The following ZGPAT variants were observed in gnomAD, a reference collection of about 807,000 sequenced individuals.
The protein encoded by ZGPAT is zinc finger CCCH-type with G patch domain-containing protein.
Under a neutral mutation model 47.9 loss-of-function variants are expected in ZGPAT, and 39 were observed. That is an observed-to-expected ratio of 0.81 (90% CI 0.63 to 1.06). ZGPAT has a LOEUF of 1.06. Among genes scored for constraint, ZGPAT ranks in the 50% least tolerant of loss-of-function variants. The pLI, the probability that ZGPAT is intolerant of heterozygous loss-of-function variation, is 0.00. For synonymous variants in ZGPAT, 348 were observed against 292.9 expected, an observed-to-expected ratio of 1.19 and a Z score of -1.92; for missense variants, 717 against 681.4, an observed-to-expected ratio of 1.05 and a Z score of -0.58.
In ZGPAT at chr20:63,735,298, G is replaced by T. The variant is rs766390404; in HGVS notation, c.1131G>T (p.Arg377Ser). The change falls in exon 6 of 7, where the codon AGG becomes AGT. Residue 377 changes from arginine (R) to serine (S), a missense_variant. Transcript: ENST00000355969. ...VGKAGTNKPP[R>S]CRGRGARPGG... ...AGGCTGGCACCAACAAGCCCCCCAG[G>T]TGCCGGGGAAGAGGGGCCAGGCCTG... 38 of 1,602,678 alleles carry T rather than the reference G, an allele frequency of 2.4e-5. No individual in the cohort carries two copies. The East Asian group carries it at 8.1e-4, about 34-fold the overall frequency.
At chr20:63,731,719 T>TTGTGTG (rs35923657) in intron 2 of ZGPAT, among the ~76,000 whole-genome samples, 2 of 130,302 alleles carry the variant, frequency 1.5e-5, no homozygotes, top group Non-Finnish European at 3.4e-5. Context: ...GTGTGTGAGA[T>TTGTGTG]TGTGTGTGCA....
In ZGPAT at chr20:63,708,592, G is replaced by A. The variant is rs2145625218; in HGVS notation, c.12G>A (p.Glu4=). 3 of 1,600,490 alleles carry A rather than the reference G, an allele frequency of 1.9e-6. No homozygotes were observed. The highest frequency in any genetic ancestry group is 2.6e-6 in the Non-Finnish European group (3 of 1,171,258). Residue 4 remains glutamate, a synonymous_variant, in exon 2 of 7, where the codon GAG becomes GAA. Transcript: ENST00000355969. The part of the protein sequence containing the change: MDE[E]SLESALQTYR... ...CTCCCTCTCTCAGCATGGACGAGGA[G>A]AGCCTGGAGTCGGCCTTGCAGACCT... is the stretch of plus-strand genomic sequence containing the variant.
At chr20:63,708,524 C>T (rs907216440) in intron 1 of ZGPAT, 29 bp from the exon 2 acceptor site, 13 of 1,497,386 alleles carry the variant, frequency 8.7e-6, no homozygotes, top group East Asian at 2.3e-5. Context: ...TCCCGAGACG[C>T]GGGGCTCAGC....
intron 2 of ZGPAT, among the ~76,000 whole-genome samples, chr20:63,717,572 TTTG>T (rs941242758): frequency 6.6e-6 from 1 of 152,142 alleles, no homozygotes; most frequent in African/African-American, 2.4e-5. Flanking sequence ...AAGATTGTTT[TTTG>T]TTGTTGTTTT....
Position 63,735,568 on chromosome 20 carries a change from C to A in ZGPAT, c.1397+4C>A, listed in dbSNP as rs372604095. On this transcript the variant is annotated splice_donor_region_variant and intron_variant, in intron 6 of 6. Transcript: ENST00000355969. ...CTCTCGCCCGCAACGCTGGCCGGTA[C>A]GTGTGGGGCCCAGCTCAGGGCAAAG... 4.6e-6 allele frequency: 7 copies of A among 1,512,548 alleles called. No homozygotes were observed. Among genetic ancestry groups the A allele is most frequent in the Non-Finnish European group, 6.2e-6 (7 of 1,132,000 alleles). 93.7% of individuals were successfully genotyped at this position (1,512,548 alleles called of 1,614,324 possible).
At chr20:63,716,687 GT>G (rs541530788) in intron 2 of ZGPAT, among the ~76,000 whole-genome samples, 1 of 150,650 alleles carries the variant, frequency 6.6e-6, no homozygotes, top group African/African-American at 2.4e-5. Flanking sequence ...GTTTTGTTTT[GT>G]TTTTTTGTTT....
At chr20:63,714,300 C>T (rs2091703251) in intron 2 of ZGPAT, among the ~76,000 whole-genome samples, 2 of 151,766 alleles carry the variant, frequency 1.3e-5, no homozygotes, top group African/African-American at 4.8e-5. Flanking sequence ...GTGATGTGCA[C>T]CTGTAGTCCC....
intron 4 of ZGPAT, chr20:63,734,002 G>A (rs971057615): frequency 2.0e-6 from 1 of 491,862 alleles, no homozygotes; most frequent in Non-Finnish European, 3.6e-6. Context: ...GGAGGGGCCT[G>A]GAGTTGCCGA....
chr20:63,733,124 C>G, intron 2 of ZGPAT, 95 bp from the exon 3 acceptor site: 1 of 1,526,998 alleles, frequency 6.5e-7, no homozygotes, highest in Non-Finnish European at 8.9e-7. Flanking sequence ...CTGTCTCCCT[C>G]AGGACAGTGC....
chr20:63,728,257 C>G (rs2091864074), intron 2 of ZGPAT, among the ~76,000 whole-genome samples: 1 of 152,032 alleles, frequency 6.6e-6, no homozygotes, highest in Non-Finnish European at 1.5e-5. Flanking sequence ...AGGATGGTCT[C>G]GATCTCCTGA....
At chr20:63,726,932 C>G (rs1049268976) in intron 2 of ZGPAT, among the ~76,000 whole-genome samples, 3 of 152,202 alleles carry the variant, frequency 2.0e-5, no homozygotes, top group Non-Finnish European at 2.9e-5. Context: ...AGCCCCTCCC[C>G]ACAACACCAT....
rs763971729 is a variant in ZGPAT at position 63,735,288 on chromosome 20, A to C, written c.1121A>C (p.Lys374Thr). The C allele has an allele frequency of 6.2e-7, 1 of 1,605,710 alleles. No individual in the cohort carries two copies. The highest frequency in any genetic ancestry group is 2.2e-5 in the East Asian group (1 of 44,656). The change falls in exon 6 of 7, where the codon AAG becomes ACG. Residue 374 changes from lysine to threonine, a missense_variant. By Grantham distance (78) the Lys-to-Thr change is moderately conservative. Transcript: ENST00000355969. ...QTRVGKAGTN[K>T]PPRCRGRGAR... is the part of the protein sequence containing the mutation. ...AGGGTTGGCAAGGCTGGCACCAACA[A>C]GCCCCCCAGGTGCCGGGGAAGAGGG...
chr20:63,725,928 G>A (rs984022537), intron 2 of ZGPAT, among the ~76,000 whole-genome samples: 2 of 151,428 alleles, frequency 1.3e-5, no homozygotes, highest in African/African-American at 4.9e-5. Flanking sequence ...CACCACCTTC[G>A]AGGTTCAAGC....
intron 2 of ZGPAT, among the ~76,000 whole-genome samples, chr20:63,711,011 G>A (rs963994004): frequency 1.3e-5 from 2 of 149,878 alleles, no homozygotes; most frequent in East Asian, 3.9e-4. Context: ...TCTAGTTCTA[G>A]TTCTTTGAAT....
At chr20:63,732,882 G>A (rs192091714) in intron 2 of ZGPAT, among the ~76,000 whole-genome samples, 8 of 152,112 alleles carry the variant, frequency 5.3e-5, no homozygotes, top group East Asian at 3.9e-4. Context: ...GTGCGTATGC[G>A]TGTATGTGTA....
At chr20:63,726,630 C>T (rs1301569632) in intron 2 of ZGPAT, among the ~76,000 whole-genome samples, 2 of 152,090 alleles carry the variant, frequency 1.3e-5, no homozygotes, top group Non-Finnish European at 2.9e-5. Flanking sequence ...TCAAGCGATT[C>T]TTATGCCTCA....
At chr20:63,715,367 G>A (rs1427384602) in intron 2 of ZGPAT, among the ~76,000 whole-genome samples, 2 of 151,546 alleles carry the variant, frequency 1.3e-5, no homozygotes, top group Non-Finnish European at 2.9e-5. Flanking sequence ...AGCCTCCTGA[G>A]TAGCTGGGAC....
At chr20:63,712,851 A>G (rs1016956619) in intron 2 of ZGPAT, among the ~76,000 whole-genome samples, 2 of 152,186 alleles carry the variant, frequency 1.3e-5, no homozygotes, top group African/African-American at 4.8e-5. Context: ...AGCTGAGATC[A>G]TGCCACTGCA....
chr20:63,710,074 A>C (rs2091648024), intron 2 of ZGPAT, among the ~76,000 whole-genome samples: 1 of 149,948 alleles, frequency 6.7e-6, no homozygotes, highest in East Asian at 2.0e-4. Context: ...GTTAGCCAGG[A>C]TGGTCTCAAT....
Sources: gnomAD v4.1 joint callset for allele counts (sites outside exome capture counted in the v4.1 genomes callset) on GRCh38, gnomAD v4.1.1 for gene constraint, MANE v1.5 for transcripts, NCBI Gene and HGNC (gene_info 2026-07-23, HGNC 2026-07-21) for gene names.